Variants in NDUFAF6 observed in about 807,000 individuals in gnomAD.
The protein encoded by NDUFAF6 is NADH:ubiquinone oxidoreductase complex assembly factor 6.
In NDUFAF6, 45 loss-of-function variants were observed where a neutral mutation model predicts 40.8. The ratio of observed to expected loss-of-function variants is 1.10; its 90% confidence interval spans 0.87 to 1.42. NDUFAF6 has a LOEUF of 1.42. NDUFAF6 is among the 40% of genes most tolerant of loss of function. The probability of loss-of-function intolerance (pLI) is 0.00; values close to 1 mark genes in which losing one functional copy is unlikely to be tolerated. For missense variants in NDUFAF6, 435 were observed against 418.5 expected, an observed-to-expected ratio of 1.04 and a Z score of -0.34; for synonymous variants, 185 against 155.9, an observed-to-expected ratio of 1.19 and a Z score of -1.39.
intron 2 of NDUFAF6, among the ~76,000 whole-genome samples, chr8:95,018,205 A>ATT (rs34118633): frequency 1.2e-3 from 172 of 145,082 alleles, no homozygotes; most frequent in South Asian, 2.4e-3. Flanking sequence ...ATGCTTGGCT[A>ATT]TTTTTTTTTT....
intron 9 of NDUFAF6, among the ~76,000 whole-genome samples, chr8:95,073,562 C>T: frequency 6.6e-6 from 1 of 152,150 alleles, no homozygotes; most frequent in Non-Finnish European, 1.5e-5. Context: ...TTTCCGCTTG[C>T]CCCTTAAACG....
chr8:95,057,997 T>C lies in NDUFAF6; in HGVS notation c.*60T>C, dbSNP rs1832409866. The C allele has an allele frequency of 2.0e-6, 3 of 1,528,688 alleles. No homozygotes were observed. Among genetic ancestry groups the C allele is most frequent in the African/African-American group, 2.8e-5 (2 of 72,170 alleles). The allele number at this position is 1,528,688 out of a possible 1,614,324, so 94.7% of individuals were successfully genotyped here. A position where few individuals can be genotyped will look rare whatever the true frequency, so the allele number is the denominator to read the frequency against. ...ATTAGTTTTATAAAAGTTAGGATTCTTATTTAGGAACAACAGGAAATGACT... is the reference window on the plus strand; with the variant it reads ...ATTAGTTTTATAAAAGTTAGGATTCCTATTTAGGAACAACAGGAAATGACT... On this transcript the variant is annotated 3_prime_UTR_variant, in exon 9 of 9. Transcript: ENST00000396124.
intron 2 of NDUFAF6, among the ~76,000 whole-genome samples, chr8:95,006,300 A>C (rs896405145): frequency 7.1e-6 from 1 of 141,438 alleles, no homozygotes; most frequent in Non-Finnish European, 1.5e-5. Flanking sequence ...GGTTGCAGTG[A>C]GCCAAGATCA....
chr8:95,037,630 A>G (rs1225028186), intron 3 of NDUFAF6, among the ~76,000 whole-genome samples: 2 of 152,216 alleles, frequency 1.3e-5, no homozygotes, highest in Non-Finnish European at 1.5e-5. Flanking sequence ...CCTGCCAGGC[A>G]AAGTGGGCTC....
At chr8:94,941,625 G>A (rs1478250757) in intron 1 of NDUFAF6, among the ~76,000 whole-genome samples, 1 of 152,208 alleles carries the variant, frequency 6.6e-6, no homozygotes, top group Admixed American at 6.5e-5. Context: ...CCTACAGCTG[G>A]CATGAAGAAA....
upstream of NDUFAF6, among the ~76,000 whole-genome samples, chr8:95,024,277 G>T (rs372847721): frequency 6.6e-6 from 1 of 152,212 alleles, no homozygotes; most frequent in Non-Finnish European, 1.5e-5. Context: ...AGGCACTTCA[G>T]CTTCTACAAT....
intron 1 of NDUFAF6, among the ~76,000 whole-genome samples, chr8:94,939,478 C>T (rs1280980585): frequency 1.3e-5 from 2 of 152,218 alleles, no homozygotes; most frequent in African/African-American, 4.8e-5. Context: ...CTCAATGCAA[C>T]CTCTGCCTCC....
At chr8:95,034,152 C>G (rs1587043803) in intron 2 of NDUFAF6, 2 of 446,396 alleles carry the variant, frequency 4.5e-6, no homozygotes, top group African/African-American at 2.0e-5. Context: ...TACTCATGAC[C>G]CTGTTGTTAA....
intron 1 of NDUFAF6, chr8:94,940,930 C>T: frequency 3.1e-6 from 5 of 1,613,168 alleles, no homozygotes; most frequent in Non-Finnish European, 4.2e-6. Context: ...TTTTATTCAG[C>T]CTCTGGAACA....
chr8:95,060,564 G>C (rs1430702104), downstream of NDUFAF6, among the ~76,000 whole-genome samples: 1 of 152,200 alleles, frequency 6.6e-6, no homozygotes, highest in East Asian at 1.9e-4. Flanking sequence ...AACTCGAACA[G>C]GTGGTGTACT....
intron 9 of NDUFAF6, among the ~76,000 whole-genome samples, chr8:95,074,521 C>T (rs886654598): frequency 1.8e-5 from 2 of 113,800 alleles, no homozygotes; most frequent in Non-Finnish European, 3.8e-5. Flanking sequence ...CTTTCCATCT[C>T]CTCCAATGTC....
intron 5 of NDUFAF6, 125 bp from the exon 6 acceptor site, chr8:95,046,869 G>A (rs1830827659): frequency 7.5e-7 from 1 of 1,336,502 alleles, no homozygotes; most frequent in Non-Finnish European, 1.0e-6. Context: ...CATAAATCCT[G>A]TTTTTCAGAT....
At chr8:94,959,616 T>C (rs1337457304) in intron 1 of NDUFAF6, among the ~76,000 whole-genome samples, 1 of 151,506 alleles carries the variant, frequency 6.6e-6, no homozygotes, top group East Asian at 2.0e-4. Flanking sequence ...CTGCAGCCTC[T>C]ACCTCCTGGG....
At chr8:94,999,123 AC>A (rs1235526485) in intron 2 of NDUFAF6, among the ~76,000 whole-genome samples, 1 of 143,486 alleles carries the variant, frequency 7.0e-6, no homozygotes, top group East Asian at 2.0e-4. Context: ...ATTCCATTCT[AC>A]TTTTTTTTTT....
rs1049442717 is a variant in NDUFAF6, at chr8:94,932,212, A to G, written c.-935-13271A>G. On this transcript the variant is annotated intron_variant, in intron 1 of 14. Coordinates refer to the NDUFAF6 transcript ENST00000396113. ...CAACTTTTATTAAAACTGGTTTACTATGTGCCATTAAAGGCACGTACATGT... is the reference window on the plus strand; with the variant it reads ...CAACTTTTATTAAAACTGGTTTACTGTGTGCCATTAAAGGCACGTACATGT... 6 of 1,283,548 alleles carry G rather than the reference A, an allele frequency of 4.7e-6. No homozygotes were observed. In the African/African-American group the frequency reaches 8.9e-5, roughly 19 times the overall value. The allele number at this position is 1,283,548 out of a possible 1,614,324, so 79.5% of individuals were successfully genotyped here. A position where few individuals can be genotyped will look rare whatever the true frequency, so the allele number is the denominator to read the frequency against.
At chr8:95,049,529 C>G (rs1002316261) in intron 7 of NDUFAF6, among the ~76,000 whole-genome samples, 10 of 152,164 alleles carry the variant, frequency 6.6e-5, no homozygotes, top group African/African-American at 1.9e-4. Flanking sequence ...ATTTCCTTAG[C>G]TCCCATAATG....
At chr8:95,012,310 G>A (rs944569425) in intron 2 of NDUFAF6, among the ~76,000 whole-genome samples, 2 of 151,976 alleles carry the variant, frequency 1.3e-5, no homozygotes, top group East Asian at 1.9e-4. Context: ...TCTTTTCTGC[G>A]TGTTTATGCT....
At chr8:95,064,852 G>C (rs1168998167) in intron 9 of NDUFAF6, among the ~76,000 whole-genome samples, 2 of 152,058 alleles carry the variant, frequency 1.3e-5, no homozygotes, top group Non-Finnish European at 2.9e-5. Context: ...TAAACGGACG[G>C]GCCTTGCTGG....
At chr8:94,975,836 G>A (rs1824868239) in intron 1 of NDUFAF6, 1 of 152,040 alleles carries the variant, frequency 6.6e-6, no homozygotes, top group African/African-American at 2.4e-5. Context: ...CTCATTTTGT[G>A]GATATAATTC....
Sources: gnomAD v4.1 joint callset for allele counts (sites outside exome capture counted in the v4.1 genomes callset) on GRCh38, gnomAD v4.1.1 for gene constraint, MANE v1.5 for transcripts, NCBI Gene and HGNC (gene_info 2026-07-23, HGNC 2026-07-21) for gene names.